GABRA2: variants seen among roughly 807,000 people sequenced by gnomAD.
GABRA2 encodes the protein gamma-aminobutyric acid receptor subunit alpha-2.
GABRA2 carries 16 observed loss-of-function variants against 48.7 expected under a neutral mutation model. The observed-to-expected ratio is 0.33, with a 90% confidence interval of 0.22 to 0.50. The LOEUF is 0.50. Ranked by LOEUF, GABRA2 falls within the 20% of genes least tolerant of loss-of-function variation. The pLI is 0.98. For synonymous variants in GABRA2, 185 were observed against 184.5 expected, an observed-to-expected ratio of 1.00 and a Z score of -0.02; for missense variants, 275 against 535.6, an observed-to-expected ratio of 0.51 and a Z score of 4.80.
At chr4:46,343,933 A>G (rs1205394350) in intron 3 of GABRA2, among the ~76,000 whole-genome samples, 1 of 151,916 alleles carries the variant, frequency 6.6e-6, no homozygotes, top group African/African-American at 2.4e-5. Flanking sequence ...AAATTTCTTT[A>G]TCCCTAAAAA....
rs1245360342 is a variant in GABRA2, at chr4:46,337,687, G to A, written c.188-5005C>T. 2.0e-5 allele frequency among the ~76,000 whole-genome samples: 3 copies of A among 148,322 alleles called. No homozygotes were observed. In the East Asian group the frequency reaches 6.1e-4, roughly 30 times the overall value. On this transcript the variant is annotated intron_variant, in intron 3 of 9. Transcript: ENST00000381620. ...AAAAAAGAGACTGAGATTAGCAAATGGTAGAAGTCAAGGAAATAATTTGTT... is the reference window on the plus strand; with the variant it reads ...AAAAAAGAGACTGAGATTAGCAAATAGTAGAAGTCAAGGAAATAATTTGTT...
At position 46,247,027 on chromosome 4, in the gene GABRA2, G is replaced by C. The variant is rs548726799; in HGVS notation, c.*3281C>G. ...GCAAATTATACTTACCAAATAATGA[G>C]AGTAAAATAATAGATTCTGGGTTGT... On this transcript the variant is annotated 3_prime_UTR_variant, in exon 10 of 10. Transcript: ENST00000381620. Among the ~76,000 whole-genome samples, 9 of 151,014 alleles carry C rather than the reference G, an allele frequency of 6.0e-5. No individual in the cohort carries two copies. Among genetic ancestry groups the C allele is most frequent in the African/African-American group, 1.7e-4 (7 of 41,384 alleles).
Position 46,305,717 on chromosome 4 carries a change from G to A in GABRA2, c.560-6C>T, listed in dbSNP as rs761929142. 1.5e-5 allele frequency: 24 copies of A among 1,595,822 alleles called. No homozygotes were observed. In the African/African-American group the frequency reaches 3.0e-4, roughly 20 times the overall value. On this transcript the variant is annotated splice_polypyrimidine_tract_variant and splice_region_variant and intron_variant, in intron 6 of 9. Transcript: ENST00000381620. ...CTCTGAAGTTGTATATGCATCTATA[G>A]GAAATCAGAAAAAATATTTTAAGCA...
At chr4:46,369,127 G>A (rs937539163) in intron 3 of GABRA2, 4 of 610,282 alleles carry the variant, frequency 6.6e-6, no homozygotes, top group Middle Eastern at 3.2e-4. Flanking sequence ...ATACTCAAAC[G>A]TTTCCTTGGG....
chr4:46,304,406 C>T (rs1726276012), intron 7 of GABRA2, among the ~76,000 whole-genome samples: 2 of 152,088 alleles, frequency 1.3e-5, no homozygotes, highest in Non-Finnish European at 2.9e-5. Context: ...CTTTCTGCTC[C>T]CTGGGTTTTA....
chr4:46,266,775 G>A (rs1718334781), intron 8 of GABRA2, among the ~76,000 whole-genome samples: 1 of 148,464 alleles, frequency 6.7e-6, no homozygotes, highest in Non-Finnish European at 1.5e-5. Context: ...AGGCTAGAGG[G>A]CAGTGACATG....
chr4:46,320,281 A>T (rs995539062), intron 4 of GABRA2, among the ~76,000 whole-genome samples: 2 of 151,864 alleles, frequency 1.3e-5, no homozygotes, highest in African/African-American at 4.8e-5. Flanking sequence ...CATACACAAA[A>T]ATCAACTCAA....
chr4:46,248,748 G>T lies in GABRA2; in HGVS notation c.*1560C>A, dbSNP rs1714168813. On this transcript the variant is annotated 3_prime_UTR_variant, in exon 10 of 10. Transcript: ENST00000381620. ...CTATACTCAAATACTGTACAAAACT[G>T]CAATAAATGTTACTATTTGACTACT... 6.6e-6 allele frequency: 1 copy of T among 151,300 alleles called. No homozygotes were observed. The allele number at this position is 151,300 out of a possible 1,614,324, so 9.4% of individuals were successfully genotyped here. A position where few individuals can be genotyped will look rare whatever the true frequency, so the allele number is the denominator to read the frequency against.
intron 5 of GABRA2, among the ~76,000 whole-genome samples, chr4:46,311,570 A>C (rs1270317889): frequency 6.6e-6 from 1 of 152,180 alleles, no homozygotes; most frequent in African/African-American, 2.4e-5. Context: ...CTTAAGATGT[A>C]ATAGGTTTTA....
At chr4:46,357,356 A>C (rs910678860) in intron 3 of GABRA2, among the ~76,000 whole-genome samples, 15 of 149,820 alleles carry the variant, frequency 1.0e-4, no homozygotes, top group Admixed American at 8.8e-4. Context: ...TATAGGCCCC[A>C]TAAGCCCTAA....
At chr4:46,297,459 A>T (rs1724933378) in intron 8 of GABRA2, among the ~76,000 whole-genome samples, 1 of 130,174 alleles carries the variant, frequency 7.7e-6, no homozygotes. Context: ...GTGAGTTAAT[A>T]CTACTTAATA....
chr4:46,337,843 G>A (rs764168591), intron 3 of GABRA2, among the ~76,000 whole-genome samples: 26 of 151,782 alleles, frequency 1.7e-4, no homozygotes, highest in Admixed American at 3.3e-4. Flanking sequence ...AAAGTAAATG[G>A]AGGGTAAGGA....
chr4:46,292,061 T>C (rs1723770741), intron 8 of GABRA2, among the ~76,000 whole-genome samples: 1 of 152,044 alleles, frequency 6.6e-6, no homozygotes, highest in Admixed American at 6.6e-5. Flanking sequence ...ATGAGTGCAT[T>C]TGACACTCCT....
At chr4:46,306,598 C>T (rs2109650601) in intron 6 of GABRA2, among the ~76,000 whole-genome samples, 1 of 152,250 alleles carries the variant, frequency 6.6e-6, no homozygotes. Flanking sequence ...TACTACTGAC[C>T]TTCTGAAGAA....
chr4:46,301,086 TC>T, intron 8 of GABRA2, among the ~76,000 whole-genome samples: 1 of 152,232 alleles, frequency 6.6e-6, no homozygotes, highest in Admixed American at 6.5e-5. Context: ...TGTATTGTCT[TC>T]TTAAAATTTG....
At chr4:46,269,266 A>T (rs1560454494) in intron 8 of GABRA2, among the ~76,000 whole-genome samples, 1 of 151,866 alleles carries the variant, frequency 6.6e-6, no homozygotes, top group Non-Finnish European at 1.5e-5. Flanking sequence ...ATCTTCCCAC[A>T]TGTATTAAAA....
intron 8 of GABRA2, among the ~76,000 whole-genome samples, chr4:46,266,204 ATCT>A (rs1306811090): frequency 6.6e-5 from 10 of 151,002 alleles, no homozygotes; most frequent in African/African-American, 1.9e-4. Flanking sequence ...CATTTTGCTG[ATCT>A]TCTGTCTAGT....
At chr4:46,328,354 A>G (rs757722202) in intron 4 of GABRA2, among the ~76,000 whole-genome samples, 3 of 151,288 alleles carry the variant, frequency 2.0e-5, no homozygotes, top group African/African-American at 4.9e-5. Context: ...TCTTTTTGCT[A>G]TGCTGCTTTT....
In GABRA2 at chr4:46,336,988, AC is replaced by A. The variant is rs568647269; in HGVS notation, c.188-4307del. 1.4e-3 allele frequency among the ~76,000 whole-genome samples: 210 copies of A among 152,262 alleles called. 2 individuals carry two copies. Among genetic ancestry groups the A allele is most frequent in the African/African-American group, 4.9e-3 (205 of 41,578 alleles). ...TTGCTGGGAAATGTAGTATAGAATA[AC>A]AATAAAACTTCTTATAAAATCTTTG... On this transcript the variant is annotated intron_variant, in intron 3 of 9. Coordinates refer to ENST00000381620, the MANE Select transcript of GABRA2 (RefSeq NM_000807.4).
Sources: gnomAD v4.1 joint callset for allele counts (sites outside exome capture counted in the v4.1 genomes callset) on GRCh38, gnomAD v4.1.1 for gene constraint, MANE v1.5 for transcripts, NCBI Gene and HGNC (gene_info 2026-07-23, HGNC 2026-07-21) for gene names.